Variants in PFKFB3 observed in about 807,000 individuals in gnomAD.
The protein encoded by PFKFB3 is 6-phosphofructo-2-kinase/fructose-2,6-biphosphatase 3.
In PFKFB3, 33 loss-of-function variants were observed where a neutral mutation model predicts 68.0. The observed-to-expected ratio is 0.49, with a 90% CI of 0.37 to 0.65. The LOEUF (loss-of-function observed/expected upper bound fraction) is 0.65, where lower values mean the gene tolerates loss of function less well. PFKFB3 is among the 30% of genes least tolerant of loss of function. The pLI is 0.00. For synonymous variants in PFKFB3, 315 were observed against 288.2 expected (o/e 1.09, Z -0.94); for missense variants, 586 against 712.2 (o/e 0.82, Z 2.02).
intron 1 of PFKFB3, among the ~76,000 whole-genome samples, chr10:6,170,529 C>G (rs184187331): frequency 1.3e-5 from 2 of 152,186 alleles, no homozygotes; most frequent in Non-Finnish European, 2.9e-5. Flanking sequence ...GCCACATAGA[C>G]CTCCTTCCTA....
chr10:6,271,332 TG>T, the PFKFB3 span, among the ~76,000 whole-genome samples: 1 of 152,228 alleles, frequency 6.6e-6, no homozygotes, highest in Non-Finnish European at 1.5e-5. Flanking sequence ...GTGTGATGCC[TG>T]GGAGGCCCAG....
chr10:6,222,737 C>CTGA, intron 10 of PFKFB3, 118 bp from the exon 11 acceptor site: 1 of 1,140,262 alleles, frequency 8.8e-7, no homozygotes, highest in Non-Finnish European at 1.2e-6. Context: ...TCAACCACTG[C>CTGA]TGATGATGGA....
downstream of PFKFB3, among the ~76,000 whole-genome samples, chr10:6,236,375 G>T (rs528839174): frequency 1.9e-4 from 29 of 152,330 alleles, no homozygotes; most frequent in South Asian, 5.6e-3. Context: ...GGAAGCCCTG[G>T]AGTGGTTCCT....
the PFKFB3 span, chr10:6,293,012 C>A: frequency 3.5e-6 from 1 of 286,432 alleles, no homozygotes; most frequent in Non-Finnish European, 6.9e-6. Context: ...AATTGCTGGC[C>A]CCAGAAAGCC....
At position 6,205,805 on chromosome 10, in the gene PFKFB3, T is replaced by TATTC. The variant is rs1554847845; in HGVS notation, c.76+2473_76+2476dup. 7.3e-3 allele frequency among the ~76,000 whole-genome samples: 1,098 copies of TATTC among 150,788 alleles called. 14 individuals are homozygous for TATTC. The highest frequency in any genetic ancestry group is 0.026 in the African/African-American group (1,057 of 40,778). ...TTATTTATTTATTTATTTATTTATTTATTCATTTTTGAGGTGGAGTCTCAC... is the reference window on the plus strand; with the variant it reads ...TTATTTATTTATTTATTTATTTATTTATTCATTCATTTTTGAGGTGGAGTCTCAC... On this transcript the variant is annotated intron_variant, in intron 1 of 14. Transcript: ENST00000379775.
intron 14 of PFKFB3, among the ~76,000 whole-genome samples, chr10:6,250,984 T>C (rs1846369170): frequency 6.6e-6 from 1 of 152,190 alleles, no homozygotes; most frequent in Non-Finnish European, 1.5e-5. Context: ...GGTCTGAGCC[T>C]TACCCCACAG....
chr10:6,320,221 T>G, the PFKFB3 span, among the ~76,000 whole-genome samples: 4 of 151,986 alleles, frequency 2.6e-5, no homozygotes, highest in Non-Finnish European at 4.4e-5. Flanking sequence ...AAAATAAAAT[T>G]AATGAAGAAT....
chr10:6,251,861 A>G (rs1846389193), intron 14 of PFKFB3, among the ~76,000 whole-genome samples: 2 of 152,278 alleles, frequency 1.3e-5, no homozygotes, highest in South Asian at 4.1e-4. Context: ...CCAGCTACTC[A>G]GGAGGCTGAG....
rs374793743 is a variant in PFKFB3 at position 6,222,838 on chromosome 10, C to T, written c.1084-17C>T. 5.8e-5 allele frequency: 93 copies of T among 1,607,116 alleles called. No individual in the cohort carries two copies. Among genetic ancestry groups the T allele is most frequent in the East Asian group, 2.9e-4 (13 of 44,692 alleles). On this transcript the variant is annotated splice_polypyrimidine_tract_variant and intron_variant, in intron 10 of 14. Transcript: ENST00000379775. ...CGAGTGCCCTGAGCTCACGTGGGCC[C>T]GGCCCTCTGTGCTCAGTCCTACCAG...
downstream of PFKFB3, among the ~76,000 whole-genome samples, chr10:6,255,725 C>T (rs537001688): frequency 3.3e-5 from 5 of 152,290 alleles, no homozygotes; most frequent in South Asian, 8.3e-4. Flanking sequence ...TGAACAACAG[C>T]AGTCGGCTGG....
chr10:6,323,019 G>A, the PFKFB3 span, among the ~76,000 whole-genome samples: 1 of 152,184 alleles, frequency 6.6e-6, no homozygotes, highest in African/African-American at 2.4e-5. Context: ...TACTTAACAG[G>A]TGCCTGTTGA....
At chr10:6,250,828 A>T (rs1846364701) in intron 14 of PFKFB3, among the ~76,000 whole-genome samples, 1 of 152,190 alleles carries the variant, frequency 6.6e-6, no homozygotes, top group African/African-American at 2.4e-5. Context: ...AGTCCCAGGA[A>T]TCTTGTTATA....
At chr10:6,195,816 T>C (rs1414404959) in intron 1 of PFKFB3, among the ~76,000 whole-genome samples, 1 of 152,222 alleles carries the variant, frequency 6.6e-6, no homozygotes, top group Non-Finnish European at 1.5e-5. Flanking sequence ...GGTGGTGTGA[T>C]ACGTGAGTTT....
chr10:6,324,314 A>C, the PFKFB3 span, among the ~76,000 whole-genome samples: 1 of 152,206 alleles, frequency 6.6e-6, no homozygotes, highest in African/African-American at 2.4e-5. Flanking sequence ...GCTGGGGAGT[A>C]ATAGGGGGTT....
intron 1 of PFKFB3, among the ~76,000 whole-genome samples, chr10:6,189,440 G>A (rs1842967074): frequency 6.6e-6 from 1 of 151,280 alleles, no homozygotes; most frequent in African/African-American, 2.4e-5. Context: ...TTTAGGTTCT[G>A]TGTGTTTGTC....
At chr10:6,247,732 C>T (rs77560168) in intron 14 of PFKFB3, among the ~76,000 whole-genome samples, 56 of 152,278 alleles carry the variant, frequency 3.7e-4, no homozygotes, top group Admixed American at 7.2e-4. Flanking sequence ...AACCCTTCCT[C>T]GTCTTGACAG....
rs541346267 is a variant in PFKFB3 at position 6,211,184 on chromosome 10, C to T, written c.77-2439C>T. Among the ~76,000 whole-genome samples the T allele has an allele frequency of 2.8e-5, 4 of 141,362 alleles. No homozygotes were observed. The South Asian group carries it at 7.3e-4, about 26-fold the overall frequency. The allele number at this position is 141,362 out of a possible 152,430, so 92.7% of individuals were successfully genotyped here. ...TTGAAATCCAGTCTGACCTTTTGCC[C>T]TGTGTATTTACTCTGCTGTCTTTAT... On this transcript the variant is annotated intron_variant, in intron 1 of 14. Coordinates refer to ENST00000379775, the MANE Select transcript of PFKFB3 (RefSeq NM_004566.4).
intron 6 of PFKFB3, among the ~76,000 whole-genome samples, chr10:6,218,895 C>T (rs370928942): frequency 6.6e-6 from 1 of 152,220 alleles, no homozygotes. Context: ...GAGTGGCTGC[C>T]TCTCAGTGAC....
At chr10:6,196,773 ACACACC>A (rs1306374543) in intron 1 of PFKFB3, among the ~76,000 whole-genome samples, 4 of 151,950 alleles carry the variant, frequency 2.6e-5, no homozygotes, top group Non-Finnish European at 4.4e-5. Context: ...ACCCTCACAG[ACACACC>A]CAGGATTTTT....
Sources: gnomAD v4.1 joint callset for allele counts (sites outside exome capture counted in the v4.1 genomes callset) on GRCh38, gnomAD v4.1.1 for gene constraint, MANE v1.5 for transcripts, NCBI Gene and HGNC (gene_info 2026-07-23, HGNC 2026-07-21) for gene names.